AGBL4: variants seen among roughly 807,000 people sequenced by gnomAD.
AGBL4 encodes the protein AGBL carboxypeptidase 4, also known as cytosolic carboxypeptidase 6.
A neutral mutation model predicts 66.4 loss-of-function variants in AGBL4; 58 were observed. That is an observed-to-expected ratio of 0.87 (90% confidence interval 0.71 to 1.09). AGBL4 has a LOEUF of 1.09. AGBL4 is among the 50% of genes least tolerant of loss of function. The pLI is 0.00. For missense variants in AGBL4, 579 were observed against 631.0 expected (o/e 0.92, Z 0.88); for synonymous variants, 234 against 222.9 (o/e 1.05, Z -0.44).
intron 4 of AGBL4, among the ~76,000 whole-genome samples, chr1:49,107,288 G>C (rs1470109312): frequency 1.3e-5 from 2 of 152,078 alleles, no homozygotes; most frequent in Non-Finnish European, 2.9e-5. Flanking sequence ...AGATGATTTT[G>C]CCCAACTGTA....
chr1:49,363,894 T>TA (rs1456208111), intron 3 of AGBL4, among the ~76,000 whole-genome samples: 1 of 152,128 alleles, frequency 6.6e-6, no homozygotes, highest in Non-Finnish European at 1.5e-5. Flanking sequence ...TAGCTGTACA[T>TA]AAAAAATATA....
At chr1:49,074,140 A>G (rs577755462) in intron 4 of AGBL4, among the ~76,000 whole-genome samples, 1 of 152,312 alleles carries the variant, frequency 6.6e-6, no homozygotes, top group Admixed American at 6.5e-5. Context: ...TCACAGCAAG[A>G]ATTTCAAGCC....
At chr1:49,971,959 C>T (rs561327951) in intron 1 of AGBL4, among the ~76,000 whole-genome samples, 2 of 103,710 alleles carry the variant, frequency 1.9e-5, no homozygotes, top group South Asian at 3.6e-4. Context: ...GCTCTGTCAC[C>T]CAGGCTGGAC....
intron 4 of AGBL4, among the ~76,000 whole-genome samples, chr1:49,149,457 A>G (rs1204171278): frequency 6.6e-6 from 1 of 152,204 alleles, no homozygotes; most frequent in Non-Finnish European, 1.5e-5. Context: ...AAAGGCAGTT[A>G]ACATTGTGCA....
At chr1:49,486,900 T>G (rs1248612474) in intron 3 of AGBL4, among the ~76,000 whole-genome samples, 1 of 151,984 alleles carries the variant, frequency 6.6e-6, no homozygotes, top group Non-Finnish European at 1.5e-5. Flanking sequence ...TTCTCTCCAT[T>G]GTGAGCAATA....
At chr1:48,617,423 G>A (rs1451596086) in intron 9 of AGBL4, among the ~76,000 whole-genome samples, 1 of 152,150 alleles carries the variant, frequency 6.6e-6, no homozygotes. Flanking sequence ...ACCTCTAACA[G>A]TTGCCTTTGG....
At chr1:48,915,386 C>T (rs191536470) in intron 5 of AGBL4, among the ~76,000 whole-genome samples, 25 of 152,342 alleles carry the variant, frequency 1.6e-4, no homozygotes, top group African/African-American at 5.8e-4. Flanking sequence ...TATACAGGGA[C>T]AGTTAATTAC....
intron 6 of AGBL4, among the ~76,000 whole-genome samples, chr1:48,715,624 A>T (rs1448496557): frequency 6.6e-6 from 1 of 152,150 alleles, no homozygotes; most frequent in Admixed American, 6.6e-5. Flanking sequence ...CTTCAGAGTA[A>T]ATTTGGAGAC....
At chr1:49,516,244 A>G (rs1454740645) in intron 3 of AGBL4, among the ~76,000 whole-genome samples, 1 of 151,968 alleles carries the variant, frequency 6.6e-6, no homozygotes, top group African/African-American at 2.4e-5. Context: ...TACACATGCA[A>G]TTATACTATA....
At chr1:49,955,246 G>A (rs1371263594) in intron 1 of AGBL4, among the ~76,000 whole-genome samples, 1 of 151,890 alleles carries the variant, frequency 6.6e-6, no homozygotes, top group East Asian at 1.9e-4. Flanking sequence ...TGGCCATCTA[G>A]ATTCACCACA....
chr1:48,883,608 A>T (rs571082747), intron 5 of AGBL4, among the ~76,000 whole-genome samples: 10 of 152,292 alleles, frequency 6.6e-5, no homozygotes, highest in African/African-American at 2.4e-4. Flanking sequence ...CTATCATTCT[A>T]TAATTATCTG....
chr1:49,419,552 T>A (rs376060943), intron 3 of AGBL4, among the ~76,000 whole-genome samples: 2 of 152,180 alleles, frequency 1.3e-5, no homozygotes, highest in African/African-American at 4.8e-5. Context: ...GACCCACCAG[T>A]CATCTCCCAC....
chr1:49,132,508 A>T (rs1358973012), intron 4 of AGBL4, among the ~76,000 whole-genome samples: 2 of 152,120 alleles, frequency 1.3e-5, no homozygotes, highest in African/African-American at 2.4e-5. Flanking sequence ...CAGTCATTTG[A>T]TTTGAGATTG....
intron 3 of AGBL4, among the ~76,000 whole-genome samples, chr1:49,577,870 G>A (rs549007458): frequency 1.2e-4 from 18 of 152,244 alleles, no homozygotes; most frequent in South Asian, 6.2e-4. Flanking sequence ...CCATAAGGCC[G>A]TGTATGCTCT....
intron 1 of AGBL4, among the ~76,000 whole-genome samples, chr1:49,918,427 A>T (rs1651815878): frequency 6.6e-6 from 1 of 152,204 alleles, no homozygotes; most frequent in African/African-American, 2.4e-5. Flanking sequence ...CCACAGAAAT[A>T]CAAACTACCA....
chr1:49,194,718 G>A (rs532890829), intron 4 of AGBL4, among the ~76,000 whole-genome samples: 1 of 152,226 alleles, frequency 6.6e-6, no homozygotes, highest in African/African-American at 2.4e-5. Flanking sequence ...TGTATACTGA[G>A]GGGACTGTAC....
chr1:48,712,362 C>T (rs1045781607), intron 6 of AGBL4, among the ~76,000 whole-genome samples: 3 of 152,168 alleles, frequency 2.0e-5, no homozygotes, highest in African/African-American at 4.8e-5. Flanking sequence ...AACCTGCTTG[C>T]CCCACTCTTT....
At chr1:48,971,276 T>A (rs1411569562) in intron 5 of AGBL4, among the ~76,000 whole-genome samples, 1 of 152,128 alleles carries the variant, frequency 6.6e-6, no homozygotes, top group East Asian at 1.9e-4. Context: ...TATTGTGAAC[T>A]GCGCAAATGA....
intron 4 of AGBL4, among the ~76,000 whole-genome samples, chr1:49,236,132 T>C (rs1215834570): frequency 6.6e-6 from 1 of 151,932 alleles, no homozygotes. Flanking sequence ...CAGGAACAAG[T>C]GATTCTTCTG....
Sources: gnomAD v4.1 joint callset for allele counts (sites outside exome capture counted in the v4.1 genomes callset) on GRCh38, gnomAD v4.1.1 for gene constraint, MANE v1.5 for transcripts, NCBI Gene and HGNC (gene_info 2026-07-23, HGNC 2026-07-21) for gene names.